The following GET1 variants were observed in gnomAD, a reference collection of about 807,000 sequenced individuals.
GET1 encodes guided entry of tail-anchored proteins factor 1.
In GET1, 20 loss-of-function variants were observed where a neutral mutation model predicts 22.6. The ratio of observed to expected loss-of-function variants is 0.89; its 90% CI spans 0.62 to 1.29. The LOEUF is 1.29. Among genes scored for constraint, GET1 ranks in the 50% most tolerant of loss-of-function variants. GET1 has a pLI of 0.00. For synonymous variants in GET1, 92 were observed against 83.8 expected (o/e 1.10, Z -0.53); for missense variants, 209 against 219.9 (o/e 0.95, Z 0.31).
At chr21:39,406,442 CT>C in exon 5 of GET1, 1 of 1,614,046 alleles carries the variant, frequency 6.2e-7, no homozygotes, top group Non-Finnish European at 8.5e-7. Context: ...AGAACATCTT[CT>C]TGATTGCTTT....
chr21:39,409,115 T>A (rs1209815563), downstream of GET1, among the ~76,000 whole-genome samples: 1 of 152,166 alleles, frequency 6.6e-6, no homozygotes, highest in East Asian at 1.9e-4. The surrounding 1 kb of genome is among the most constrained non-coding windows in gnomAD (Gnocchi z 4.2). Context: ...GGGGCCTTCA[T>A]GACGGAATTA....
intron 1 of GET1, chr21:39,428,220 CT>C (rs1569110059): frequency 6.2e-7 from 1 of 1,601,142 alleles, no homozygotes; most frequent in African/African-American, 1.3e-5. Flanking sequence ...TTCTCCTTTT[CT>C]TTTACCACAG....
chr21:39,428,187 T>G, intron 1 of GET1: 1 of 1,579,982 alleles, frequency 6.3e-7, no homozygotes, highest in Non-Finnish European at 8.6e-7. Context: ...GATTGGGAGA[T>G]TTTAGAAACA....
intron 3 of GET1, 183 bp downstream of exon 3, chr21:39,392,019 C>T: frequency 1.7e-6 from 1 of 585,726 alleles, no homozygotes; most frequent in African/African-American, 1.9e-5. Context: ...GGAAGCCTTT[C>T]TCTTGAGGAG....
downstream of GET1, among the ~76,000 whole-genome samples, chr21:39,402,858 A>AC (rs35471191): frequency 0.72 from 110,192 of 152,078 alleles, 39,977 homozygotes; most frequent in East Asian, 0.77. Flanking sequence ...ATCTCATAAT[A>AC]CTCAGAGATA....
intron 1 of GET1, chr21:39,420,984 T>C: frequency 1.8e-6 from 1 of 561,994 alleles, no homozygotes; most frequent in South Asian, 3.6e-5. Context: ...GGGACATATA[T>C]TGGAATGAAG....
downstream of GET1, chr21:39,408,592 A>T (rs2039520395): frequency 6.6e-6 from 1 of 152,310 alleles, no homozygotes; most frequent in Non-Finnish European, 1.5e-5. Context: ...TGTACTCTCT[A>T]TCAAACCCTG....
intron 1 of GET1, chr21:39,387,674 C>T (rs2037995684): frequency 3.6e-6 from 1 of 275,596 alleles, no homozygotes; most frequent in Non-Finnish European, 5.5e-6. Flanking sequence ...CCCCTCCACC[C>T]CCCCTACTCC....
intron 1 of GET1, among the ~76,000 whole-genome samples, chr21:39,414,659 G>A (rs1200113734): frequency 1.3e-5 from 2 of 151,822 alleles, no homozygotes; most frequent in Non-Finnish European, 2.9e-5. Context: ...GTGATGCTGC[G>A]TGACTGCCAA....
chr21:39,413,118 T>C (rs2040401532), intron 1 of GET1, among the ~76,000 whole-genome samples: 1 of 152,208 alleles, frequency 6.6e-6, no homozygotes, highest in African/African-American at 2.4e-5. Flanking sequence ...AGCAGCCACA[T>C]TCAGTACACA....
At chr21:39,391,327 C>T (rs982468799) in intron 2 of GET1, 35 of 233,864 alleles carry the variant, frequency 1.5e-4, no homozygotes, top group Admixed American at 1.1e-3. Context: ...TGAGGGACCC[C>T]GGTCACAGTG....
intron 1 of GET1, among the ~76,000 whole-genome samples, chr21:39,416,185 C>A (rs2041122562): frequency 6.6e-6 from 1 of 152,184 alleles, no homozygotes; most frequent in Admixed American, 6.5e-5. Flanking sequence ...AAAATGTTTG[C>A]TTCTTGTCCT....
downstream of GET1, chr21:39,410,696 C>A: frequency 2.6e-6 from 1 of 386,500 alleles, no homozygotes; most frequent in Admixed American, 3.3e-5. Context: ...ACCGAGCTAT[C>A]CTGTGGCGGA....
intron 1 of GET1, chr21:39,423,530 TAC>T (rs774000277): frequency 1.1e-5 from 16 of 1,493,066 alleles, no homozygotes; most frequent in Non-Finnish European, 1.3e-5. Context: ...TAGTAAAATA[TAC>T]AGATATGCAA....
chr21:39,398,144 C>A (rs1376924285), downstream of GET1, among the ~76,000 whole-genome samples: 1 of 152,192 alleles, frequency 6.6e-6, no homozygotes, highest in African/African-American at 2.4e-5. Flanking sequence ...GGTGGAGGAA[C>A]TGGACACCAG....
chr21:39,417,237 A>G (rs1382620701), intron 1 of GET1, among the ~76,000 whole-genome samples: 1 of 151,978 alleles, frequency 6.6e-6, no homozygotes, highest in Non-Finnish European at 1.5e-5. Flanking sequence ...ATGGGGTTTC[A>G]CCATGTTGGC....
chr21:39,393,087 C>T (rs1231285394), intron 3 of GET1, 79 bp from the exon 4 acceptor site: 2 of 1,238,478 alleles, frequency 1.6e-6, no homozygotes, highest in Admixed American at 1.8e-5. Context: ...GTTTTATTTT[C>T]GCATTTCCCT....
intron 3 of GET1, among the ~76,000 whole-genome samples, chr21:39,392,590 A>C (rs1350467680): frequency 6.6e-6 from 1 of 152,228 alleles, no homozygotes; most frequent in Non-Finnish European, 1.5e-5. Context: ...CAAGCCAGGA[A>C]GGGGACAGAT....
At position 39,391,227 on chromosome 21, in the gene GET1, A is replaced by G. The variant is rs7279367; in HGVS notation, c.268+364A>G. 2,028 of 231,346 alleles carry G rather than the reference A, an allele frequency of 8.8e-3. 37 individuals are homozygous for G. Among genetic ancestry groups the G allele is most frequent in the African/African-American group, 0.045 (1,942 of 43,538 alleles). The allele number at this position is 231,346 out of a possible 1,614,324, so 14.3% of individuals were successfully genotyped here. ...CAGAGGCTTTTGTTCCACTCTCTAGAAAAATGCCCAGCAGTGTCCTCTTCT... is the reference window on the plus strand; with the variant it reads ...CAGAGGCTTTTGTTCCACTCTCTAGGAAAATGCCCAGCAGTGTCCTCTTCT... On this transcript the variant is annotated intron_variant, in intron 2 of 4. Transcript: ENST00000649170.
Sources: gnomAD v4.1 joint callset for allele counts (sites outside exome capture counted in the v4.1 genomes callset) on GRCh38, gnomAD v4.1.1 for gene constraint, Gnocchi (gnomAD v3.1) non-coding constraint, MANE v1.5 for transcripts, NCBI Gene and HGNC (gene_info 2026-07-23, HGNC 2026-07-21) for gene names.